Variants in IGSF9B observed in about 807,000 individuals in gnomAD.
IGSF9B encodes protein turtle homolog B.
IGSF9B carries 48 observed loss-of-function variants against 143.7 expected under a neutral mutation model. That is an observed-to-expected ratio of 0.33 (90% CI 0.26 to 0.42). IGSF9B has a LOEUF of 0.42. Ranked by LOEUF, IGSF9B falls within the 20% of genes least tolerant of loss-of-function variation. IGSF9B has a pLI of 1.00. For missense variants in IGSF9B, 1,706 were observed against 1,980.0 expected (o/e 0.86, Z 2.63); for synonymous variants, 903 against 833.1 (o/e 1.08, Z -1.44).
In IGSF9B at chr11:133,913,744, G is replaced by A. The variant is rs892998901; in HGVS notation, c.3984-1737C>T. On this transcript the variant is annotated intron_variant, in intron 18 of 19. Transcript: ENST00000533871. The surrounding 1 kb of genome is among the most constrained non-coding windows in gnomAD (Gnocchi z 4.6). ...GAAGGAAGCGGGAAGGCAGACAAAG[G>A]GTGCAGGTGCCCGGGCGGGAGGCAG... is the stretch of plus-strand genomic sequence containing the variant. Among the ~76,000 whole-genome samples the A allele has an allele frequency of 2.0e-5, 3 of 152,218 alleles. No homozygotes were observed. The highest frequency in any genetic ancestry group is 2.9e-5 in the Non-Finnish European group (2 of 68,042).
rs1939724245 is a variant in IGSF9B at position 133,931,318 on chromosome 11, A to T, written c.1368+135T>A. On this transcript the variant is annotated intron_variant, in intron 10 of 19. Coordinates refer to ENST00000533871, the MANE Select transcript of IGSF9B (RefSeq NM_001277285.4). This position sits in a 1 kb window ranked among gnomAD's most constrained non-coding sequence, Gnocchi z 7.7. Reference sequence around the variant, plus strand: ...TCTAGCCTGGTCAGGGCAGGTCCAGAATAGAACTGCTCGCTGGGCCCTCAC... The same window carrying T: ...TCTAGCCTGGTCAGGGCAGGTCCAGTATAGAACTGCTCGCTGGGCCCTCAC... 1.2e-6 allele frequency: 1 copy of T among 853,508 alleles called. No homozygotes were observed. Among genetic ancestry groups the T allele is most frequent in the Non-Finnish European group, 1.8e-6 (1 of 544,438 alleles). 52.9% of individuals were successfully genotyped at this position (853,508 alleles called of 1,614,324 possible). A position where few individuals can be genotyped will look rare whatever the true frequency, so the allele number is the denominator to read the frequency against.
In IGSF9B at chr11:133,931,071, G is replaced by A. The variant is rs1939718334; in HGVS notation, c.1432C>T (p.Leu478=). ...CACTCCCCGTGGTCCTCCTTACTCA[G>A]GGCACGGAACTGCAGGCTCCCACTG... is the stretch of plus-strand genomic sequence containing the variant. ...LPSGSLQFRA[L]SKEDHGEWEC... is the part of the protein sequence containing the mutation. The change falls in exon 11 of 20, where the codon CTG becomes TTG. Residue 478 remains leucine (L), a synonymous_variant. Coordinates refer to ENST00000533871, the MANE Select transcript of IGSF9B (RefSeq NM_001277285.4). The surrounding 1 kb of genome is among the most constrained non-coding windows in gnomAD (Gnocchi z 7.7). 6.2e-7 allele frequency: 1 copy of A among 1,613,692 alleles called. No homozygotes were observed. Among genetic ancestry groups the A allele is most frequent in the Non-Finnish European group, 8.5e-7 (1 of 1,179,814 alleles).
chr11:133,929,226 A>T (rs777123932), intron 12 of IGSF9B, among the ~76,000 whole-genome samples: 2 of 152,212 alleles, frequency 1.3e-5, no homozygotes, highest in Non-Finnish European at 2.9e-5. Context: ...CACGTACCCC[A>T]TACCTACAAA....
chr11:133,933,359 T>C (rs1228042025), intron 7 of IGSF9B, among the ~76,000 whole-genome samples: 2 of 152,204 alleles, frequency 1.3e-5, no homozygotes, highest in African/African-American at 2.4e-5. Context: ...AACACTATCA[T>C]AGGCTTAACC....
chr11:133,925,558 T>G (rs1473622692), intron 14 of IGSF9B, among the ~76,000 whole-genome samples, 181 bp downstream of exon 14: 1 of 152,178 alleles, frequency 6.6e-6, no homozygotes, highest in Non-Finnish European at 1.5e-5. Flanking sequence ...CTGTGGGCCA[T>G]GATCTGAGGA....
chr11:133,946,148 C>T lies in IGSF9B; in HGVS notation c.175G>A (p.Val59Ile), dbSNP rs1565448676. ...HPVTGQPPPY[V>I]VEWFKFGVPI... is the part of the protein sequence containing the mutation. Reference sequence around the variant, plus strand: ...ACCCCGAACTTGAACCACTCTACGACATAGGGTGGGGGCTGTCCCGTCACT... The same window carrying T: ...ACCCCGAACTTGAACCACTCTACGATATAGGGTGGGGGCTGTCCCGTCACT... The change falls in exon 2 of 20, where the codon GTC (valine) becomes ATC (isoleucine). Residue 59 changes from valine (V) to isoleucine (I), a missense_variant. Val to Ile is a conservative substitution (Grantham distance 29). Transcript: ENST00000533871. 6.2e-7 allele frequency: 1 copy of T among 1,613,052 alleles called. No homozygotes were observed.
intron 19 of IGSF9B, among the ~76,000 whole-genome samples, chr11:133,911,364 G>A (rs1015954922): frequency 2.6e-5 from 4 of 152,108 alleles, no homozygotes; most frequent in South Asian, 2.1e-4. Context: ...GCAGAGGCTG[G>A]GCCCAGGCTG....
Position 133,932,232 on chromosome 11 carries a change from G to A in IGSF9B, c.968-19C>T. The stretch of plus-strand genomic sequence containing the variant: ...GCTGGGTCTGCATAGAGGAAGCGCA[G>A]GTGAGAGAGCAGACAGACAGACACA... On this transcript the variant is annotated intron_variant, in intron 7 of 19. Coordinates refer to ENST00000533871, the MANE Select transcript of IGSF9B (RefSeq NM_001277285.4). 6.5e-7 allele frequency: 1 copy of A among 1,546,250 alleles called. No homozygotes were observed. Among genetic ancestry groups the A allele is most frequent in the Non-Finnish European group, 8.7e-7 (1 of 1,144,020 alleles).
At chr11:133,926,097 G>A (rs1939621116) in intron 13 of IGSF9B, 132 bp from the exon 14 acceptor site, 1 of 657,340 alleles carries the variant, frequency 1.5e-6, no homozygotes, top group Non-Finnish European at 2.7e-6. Context: ...CAGGGCTTCA[G>A]GGTTCTGCCT....
At chr11:133,950,872 TC>T (rs1940145949) in intron 1 of IGSF9B, among the ~76,000 whole-genome samples, 1 of 150,822 alleles carries the variant, frequency 6.6e-6, no homozygotes, top group Non-Finnish European at 1.5e-5. Flanking sequence ...TGCAGCCTCC[TC>T]CTCCTCCTCC....
chr11:133,919,612 G>A (rs1939469444), intron 18 of IGSF9B, 130 bp downstream of exon 18: 1 of 630,396 alleles, frequency 1.6e-6, no homozygotes, highest in Non-Finnish European at 2.4e-6. Flanking sequence ...ACTCCTCTCC[G>A]AGGGACGCCG....
Position 133,920,756 on chromosome 11 carries a change from C to G in IGSF9B, c.2969G>C (p.Ser990Thr), listed in dbSNP as rs773909542. The G allele has an allele frequency of 6.2e-7, 1 of 1,612,478 alleles. No homozygotes were observed. The highest frequency in any genetic ancestry group is 1.1e-5 in the South Asian group (1 of 91,008). Residue 990 changes from serine (S) to threonine (T), a missense_variant, in exon 18 of 20, where the codon AGC becomes ACC. Transcript: ENST00000533871. ...PPPFYVPEVGSPLSSVMSSPP... is the reference protein window; with the variant it reads ...PPPFYVPEVGTPLSSVMSSPP... ...GGACGACATGACGGAGCTCAGGGGG[C>G]TGCCCACTTCTGGCACGTAGAACGG...
At chr11:133,912,779 G>A (rs1029612403) in intron 18 of IGSF9B, among the ~76,000 whole-genome samples, 4 of 152,276 alleles carry the variant, frequency 2.6e-5, no homozygotes, top group Non-Finnish European at 5.9e-5. Context: ...TTTAGGATTC[G>A]ACAGAGAAAC....
At chr11:133,956,647 G>A in intron 1 of IGSF9B, 44 bp downstream of exon 1, 1 of 1,392,196 alleles carries the variant, frequency 7.2e-7, no homozygotes, top group Non-Finnish European at 9.8e-7. Flanking sequence ...GAGGGGCCGA[G>A]GGCGCCGGGA....
rs912011025 is a variant in IGSF9B, at chr11:133,907,414, A to G, written c.*1655T>C. 3.9e-5 allele frequency among the ~76,000 whole-genome samples: 6 copies of G among 152,236 alleles called. No individual in the cohort carries two copies. Among genetic ancestry groups the G allele is most frequent in the Admixed American group, 3.9e-4 (6 of 15,290 alleles). On this transcript the variant is annotated 3_prime_UTR_variant, in exon 20 of 20. Coordinates refer to ENST00000533871, the MANE Select transcript of IGSF9B (RefSeq NM_001277285.4). The stretch of plus-strand genomic sequence containing the variant: ...ATGCTGCCGTGGCTCACGTCCAAGC[A>G]GGGAACTCGGGAGAGGTGGGTGCCC...
Position 133,921,197 on chromosome 11 carries a change from G to A in IGSF9B, c.2528C>T (p.Ala843Val). Residue 843 changes from alanine to valine, a missense_variant, in exon 18 of 20, where the codon GCC (alanine) becomes GTC (valine). Physicochemically the swap from Ala to Val is moderately conservative, Grantham distance 64. Transcript: ENST00000533871. Reference sequence around the variant, plus strand: ...GCTGATGAGCTCGATGGGCGTGGTGGCCTCTGCCTCGGCCTCTGCCTTGGC... The same window carrying A: ...GCTGATGAGCTCGATGGGCGTGGTGACCTCTGCCTCGGCCTCTGCCTTGGC... Reference protein sequence around the residue: ...SVAKAEAEAEATTPIELISRG... With the variant: ...SVAKAEAEAEVTTPIELISRG... 1 of 1,608,578 alleles carries A rather than the reference G, an allele frequency of 6.2e-7. No individual in the cohort carries two copies. Among genetic ancestry groups the A allele is most frequent in the Non-Finnish European group, 8.5e-7 (1 of 1,176,934 alleles).
chr11:133,939,530 A>G (rs527633674), intron 3 of IGSF9B, among the ~76,000 whole-genome samples: 3 of 152,362 alleles, frequency 2.0e-5, no homozygotes, highest in African/African-American at 7.2e-5. Context: ...TGAACGAAAG[A>G]ATGAAACAAA....
intron 1 of IGSF9B, among the ~76,000 whole-genome samples, chr11:133,955,061 T>C (rs1311252612): frequency 1.3e-5 from 2 of 152,218 alleles, no homozygotes; most frequent in Non-Finnish European, 2.9e-5. Context: ...CAGCGTCTCT[T>C]TTCTATTCAA....
rs544507359 is a variant in IGSF9B at position 133,953,926 on chromosome 11, C to A, written c.64+2765G>T. Among the ~76,000 whole-genome samples the A allele has an allele frequency of 6.6e-6, 1 of 152,340 alleles. No individual in the cohort carries two copies. Among genetic ancestry groups the A allele is most frequent in the East Asian group, 1.9e-4 (1 of 5,164 alleles). ...ACCTTAATCACCTCCCAGGCACACA[C>A]ACTCAAAGTCAAAAGGAGGAGCCCA... On this transcript the variant is annotated intron_variant, in intron 1 of 19. Transcript: ENST00000533871. The surrounding 1 kb of genome is among the most constrained non-coding windows in gnomAD (Gnocchi z 4.2).
Sources: gnomAD v4.1 joint callset for allele counts (sites outside exome capture counted in the v4.1 genomes callset) on GRCh38, gnomAD v4.1.1 for gene constraint, Gnocchi (gnomAD v3.1) non-coding constraint, MANE v1.5 for transcripts, NCBI Gene and HGNC (gene_info 2026-07-23, HGNC 2026-07-21) for gene names.